Variants in RBPMS observed in about 807,000 individuals in gnomAD.
The protein encoded by RBPMS is RNA-binding protein with multiple splicing.
In RBPMS, 7 loss-of-function variants were observed where a neutral mutation model predicts 26.8. The ratio of observed to expected loss-of-function variants is 0.26; its 90% CI spans 0.15 to 0.49. The LOEUF (loss-of-function observed/expected upper bound fraction) is 0.49. Among genes scored for constraint, RBPMS ranks in the 20% least tolerant of loss-of-function variants. The pLI is 0.98. For synonymous variants in RBPMS, 96 were observed against 93.3 expected (o/e 1.03, Z -0.17); for missense variants, 186 against 250.0 (o/e 0.74, Z 1.73).
At chr8:30,512,276 GTTT>G (rs1411819163) in intron 5 of RBPMS, among the ~76,000 whole-genome samples, 5 of 151,564 alleles carry the variant, frequency 3.3e-5, no homozygotes, top group African/African-American at 1.2e-4. Context: ...ATGCTTTTTT[GTTT>G]TTGTTTATTT....
intron 1 of RBPMS, among the ~76,000 whole-genome samples, chr8:30,390,536 G>A (rs1251252812): frequency 6.6e-6 from 1 of 152,126 alleles, no homozygotes. Context: ...TGTATACTGT[G>A]ATCCCTTTGC....
rs187755640 is a variant in RBPMS, at chr8:30,568,781, A to C, written c.*112-1856A>C. Among the ~76,000 whole-genome samples, 16 of 152,060 alleles carry C rather than the reference A, an allele frequency of 1.1e-4. No individual in the cohort carries two copies. In the East Asian group the frequency reaches 3.1e-3, roughly 29 times the overall value. On this transcript the variant is annotated intron_variant, in intron 8 of 8. Transcript: ENST00000397323. ...CTTGTTAAGACATTCCAAGGTTTGA[A>C]CTCCGCTCCTAGCTAAACCTCCTCC... is the stretch of plus-strand genomic sequence containing the variant.
chr8:30,459,501 G>A (rs188723068), intron 1 of RBPMS, among the ~76,000 whole-genome samples: 9 of 152,056 alleles, frequency 5.9e-5, no homozygotes, highest in Admixed American at 3.9e-4. Flanking sequence ...AAAGTGGCTC[G>A]ATTGACAGGT....
At chr8:30,567,610 TA>T (rs1447552826) in intron 8 of RBPMS, among the ~76,000 whole-genome samples, 1 of 151,252 alleles carries the variant, frequency 6.6e-6, no homozygotes, top group Non-Finnish European at 1.5e-5. Flanking sequence ...TTTTTCCACT[TA>T]TGCAATTTTT....
intron 5 of RBPMS, among the ~76,000 whole-genome samples, chr8:30,534,621 A>C (rs1320893408): frequency 6.6e-6 from 1 of 152,186 alleles, no homozygotes; most frequent in East Asian, 1.9e-4. Flanking sequence ...CAGTTCAGAC[A>C]CACAGCTTCA....
At chr8:30,507,376 G>A (rs1585698385) in intron 5 of RBPMS, among the ~76,000 whole-genome samples, 1 of 152,178 alleles carries the variant, frequency 6.6e-6, no homozygotes, top group South Asian at 2.1e-4. Context: ...TAGATATAGT[G>A]TATGTAAAGT....
chr8:30,434,776 A>AACACAG, intron 1 of RBPMS, among the ~76,000 whole-genome samples: 2 of 147,526 alleles, frequency 1.4e-5, no homozygotes, highest in East Asian at 4.0e-4. Context: ...ATTCCCATAT[A>AACACAG]ACACACACAC....
intron 5 of RBPMS, among the ~76,000 whole-genome samples, chr8:30,521,283 T>G (rs992409869): frequency 2.0e-5 from 3 of 152,196 alleles, no homozygotes; most frequent in Admixed American, 1.3e-4. Context: ...CATTTTCTCT[T>G]TGTTTGAATA....
At chr8:30,473,654 T>C (rs1028460318) in intron 1 of RBPMS, among the ~76,000 whole-genome samples, 4 of 152,188 alleles carry the variant, frequency 2.6e-5, no homozygotes, top group Non-Finnish European at 5.9e-5. Flanking sequence ...TGTATGTTCA[T>C]TGCAGCACTA....
intron 1 of RBPMS, among the ~76,000 whole-genome samples, chr8:30,466,304 T>G (rs1159878647): frequency 6.6e-6 from 1 of 152,192 alleles, no homozygotes; most frequent in East Asian, 1.9e-4. Flanking sequence ...TCTCAATACT[T>G]TGGTAGGCTA....
rs139703826 is a variant in RBPMS, at chr8:30,547,530, C to T, written c.528+2906C>T. The T allele has an allele frequency of 8.0e-3, 11,901 of 1,479,358 alleles. 56 individuals are homozygous for T. Among genetic ancestry groups the T allele is most frequent in the Non-Finnish European group, 8.9e-3 (9,869 of 1,108,398 alleles). The allele number at this position is 1,479,358 out of a possible 1,614,324, so 91.6% of individuals were successfully genotyped here. A position where few individuals can be genotyped will look rare whatever the true frequency, so the allele number is the denominator to read the frequency against. Reference sequence around the variant, plus strand: ...CAGAGCAAAAATGAACTCAAGTAGACTGCAGCGTTTTGTTTTCATGGTGAT... The same window carrying T: ...CAGAGCAAAAATGAACTCAAGTAGATTGCAGCGTTTTGTTTTCATGGTGAT... On this transcript the variant is annotated intron_variant, in intron 6 of 8. Coordinates refer to ENST00000397323, the MANE Select transcript of RBPMS (RefSeq NM_001008710.3).
At chr8:30,461,541 C>T (rs564914339) in intron 1 of RBPMS, among the ~76,000 whole-genome samples, 29 of 152,212 alleles carry the variant, frequency 1.9e-4, no homozygotes, top group Admixed American at 5.9e-4. Context: ...ACTACAGGCG[C>T]GTGCCACCAC....
chr8:30,385,088 G>A lies in RBPMS; in HGVS notation c.-5G>A. ...TGCCCGGCCCGGCGAGGAAGGACCG[G>A]GAAGATGAACAACGGCGGCAAAGCC... On this transcript the variant is annotated 5_prime_UTR_variant, in exon 1 of 9. Coordinates refer to ENST00000397323, the MANE Select transcript of RBPMS (RefSeq NM_001008710.3). 1 of 1,519,256 alleles carries A rather than the reference G, an allele frequency of 6.6e-7. No individual in the cohort carries two copies. The highest frequency in any genetic ancestry group is 8.8e-7 in the Non-Finnish European group (1 of 1,134,262). 94.1% of individuals were successfully genotyped at this position (1,519,256 alleles called of 1,614,324 possible). A position where few individuals can be genotyped will look rare whatever the true frequency, so the allele number is the denominator to read the frequency against.
chr8:30,388,128 T>C (rs1447785843), intron 1 of RBPMS, among the ~76,000 whole-genome samples: 1 of 152,138 alleles, frequency 6.6e-6, no homozygotes, highest in African/African-American at 2.4e-5. Context: ...ATTATACATG[T>C]GTGTTCCCTA....
intron 1 of RBPMS, among the ~76,000 whole-genome samples, chr8:30,456,793 C>T (rs1193079373): frequency 5.9e-5 from 9 of 152,050 alleles, no homozygotes; most frequent in African/African-American, 2.4e-5. Context: ...TGGTGGCGTG[C>T]GCCTGTAGTC....
At chr8:30,455,507 A>G (rs537728373) in intron 1 of RBPMS, among the ~76,000 whole-genome samples, 84 of 152,304 alleles carry the variant, frequency 5.5e-4, no homozygotes, top group Non-Finnish European at 1.0e-3. Context: ...GAATTGGGGC[A>G]GTGGGGAAAG....
chr8:30,385,138 G>A lies in RBPMS; in HGVS notation c.46G>A (p.Ala16Thr). Residue 16 changes from alanine to threonine, a missense_variant, in exon 1 of 9, where the codon GCC (alanine) becomes ACC (threonine). Transcript: ENST00000397323. ...CGAGAAGGAGAACACCCCGAGCGAG[G>A]CCAACCTTCAGGAGGAGGAGGTACT... ...KAEKENTPSE[A>T]NLQEEEVRTL... 2 of 1,525,656 alleles carry A rather than the reference G, an allele frequency of 1.3e-6. No individual in the cohort carries two copies. The highest frequency in any genetic ancestry group is 1.8e-6 in the Non-Finnish European group (2 of 1,137,804). The allele number at this position is 1,525,656 out of a possible 1,614,324, so 94.5% of individuals were successfully genotyped here.
intron 1 of RBPMS, among the ~76,000 whole-genome samples, chr8:30,437,981 G>T (rs1189710351): frequency 3.3e-5 from 5 of 151,872 alleles, no homozygotes; most frequent in African/African-American, 4.8e-5. Context: ...AAAAAAAGTT[G>T]TTATTTTTAC....
intron 4 of RBPMS, among the ~76,000 whole-genome samples, chr8:30,501,286 C>T (rs1820531623): frequency 7.1e-6 from 1 of 141,122 alleles, no homozygotes; most frequent in Non-Finnish European, 1.5e-5. Context: ...ACCCCAACAC[C>T]CTTTCTGCAT....
Sources: allele counts gnomAD v4.1 joint callset (sites outside exome capture counted in the v4.1 genomes callset), GRCh38; gene constraint gnomAD v4.1.1; transcripts MANE v1.5; gene names NCBI Gene and HGNC (gene_info 2026-07-23, HGNC 2026-07-21).